ULK4: variants seen among roughly 807,000 people sequenced by gnomAD.
ULK4 encodes inactive serine/threonine-protein kinase ULK4.
A neutral mutation model predicts 160.6 loss-of-function variants in ULK4; 133 were observed. The ratio of observed to expected loss-of-function variants is 0.83; its 90% CI spans 0.72 to 0.96. The LOEUF (loss-of-function observed/expected upper bound fraction) is 0.96. Among genes scored for constraint, ULK4 ranks in the 40% least tolerant of loss-of-function variants. The probability of loss-of-function intolerance (pLI) is 0.00; values close to 1 mark genes in which losing one functional copy is unlikely to be tolerated. For synonymous variants in ULK4, 534 were observed against 539.8 expected, an observed-to-expected ratio of 0.99 and a Z score of 0.15; for missense variants, 1,580 against 1,499.5, an observed-to-expected ratio of 1.05 and a Z score of -0.89.
intron 12 of ULK4, among the ~76,000 whole-genome samples, chr3:41,902,967 A>G (rs991884184): frequency 5.9e-5 from 9 of 152,340 alleles, no homozygotes; most frequent in African/African-American, 1.9e-4. Context: ...TATATACATC[A>G]TACTTGCTTC....
chr3:41,291,996 AT>A (rs1389453628), intron 35 of ULK4, among the ~76,000 whole-genome samples: 4 of 149,012 alleles, frequency 2.7e-5, no homozygotes, highest in Non-Finnish European at 3.0e-5. Context: ...ATGCCCGGCT[AT>A]TTTTTTTTGT....
chr3:41,467,876 G>A (rs529962458), intron 32 of ULK4, among the ~76,000 whole-genome samples: 60 of 152,312 alleles, frequency 3.9e-4, no homozygotes, highest in African/African-American at 1.4e-3. Context: ...GGTTATAGCA[G>A]TGCATGCATT....
At chr3:41,802,384 A>G (rs1046031136) in intron 19 of ULK4, among the ~76,000 whole-genome samples, 1 of 152,088 alleles carries the variant, frequency 6.6e-6, no homozygotes, top group Non-Finnish European at 1.5e-5. Flanking sequence ...TGCAGTCTCA[A>G]TCTCCCAGCT....
At chr3:41,654,684 C>T (rs886515833) in intron 30 of ULK4, among the ~76,000 whole-genome samples, 5 of 152,268 alleles carry the variant, frequency 3.3e-5, no homozygotes, top group East Asian at 1.9e-4. Flanking sequence ...TTTATGCTTG[C>T]GTTATCCCGT....
At chr3:41,476,645 C>T (rs987924932) in intron 32 of ULK4, among the ~76,000 whole-genome samples, 3 of 152,040 alleles carry the variant, frequency 2.0e-5, no homozygotes, top group African/African-American at 7.2e-5. Context: ...TTCTCTCCCT[C>T]TCTCTCATCT....
intron 32 of ULK4, among the ~76,000 whole-genome samples, chr3:41,502,124 T>C (rs189248299): frequency 1.3e-5 from 2 of 152,220 alleles, no homozygotes; most frequent in African/African-American, 4.8e-5. Flanking sequence ...TGATTCTATA[T>C]CCTAGCTACT....
At chr3:41,549,493 T>TA (rs1382493287) in intron 32 of ULK4, among the ~76,000 whole-genome samples, 1 of 151,946 alleles carries the variant, frequency 6.6e-6, no homozygotes, top group African/African-American at 2.4e-5. Flanking sequence ...CCCAGTCAGA[T>TA]AAAAAATAAT....
intron 32 of ULK4, among the ~76,000 whole-genome samples, chr3:41,530,886 C>G (rs1293861495): frequency 2.0e-5 from 3 of 151,962 alleles, no homozygotes; most frequent in African/African-American, 7.2e-5. Context: ...GCCTCAGCCT[C>G]CCGAGGAGCT....
chr3:41,447,502 A>C (rs1265123322), intron 34 of ULK4, among the ~76,000 whole-genome samples: 1 of 152,168 alleles, frequency 6.6e-6, no homozygotes, highest in Non-Finnish European at 1.5e-5. Context: ...CTCAAGACAA[A>C]GGCATAAAAA....
At chr3:41,582,522 G>A (rs763294925) in intron 31 of ULK4, among the ~76,000 whole-genome samples, 11 of 152,112 alleles carry the variant, frequency 7.2e-5, no homozygotes, top group East Asian at 3.9e-4. Context: ...TCAGCCTCAT[G>A]GTCAGCCCCA....
At chr3:41,735,775 G>C (rs1002320954) in intron 22 of ULK4, among the ~76,000 whole-genome samples, 3 of 150,606 alleles carry the variant, frequency 2.0e-5, no homozygotes, top group Admixed American at 1.3e-4. Context: ...GTATACATAT[G>C]TCATGTTGGT....
intron 35 of ULK4, among the ~76,000 whole-genome samples, chr3:41,261,191 A>C (rs1432345339): frequency 7.2e-6 from 1 of 138,982 alleles, no homozygotes. Flanking sequence ...ATAAGTAAAA[A>C]GCCTTGGAGT....
chr3:41,694,367 T>C (rs949201446), intron 27 of ULK4, among the ~76,000 whole-genome samples: 3 of 152,132 alleles, frequency 2.0e-5, no homozygotes, highest in Non-Finnish European at 4.4e-5. Context: ...TCGTAGGGAC[T>C]GTTATGGAGG....
At chr3:41,308,856 T>A (rs1463594283) in intron 35 of ULK4, among the ~76,000 whole-genome samples, 2 of 152,134 alleles carry the variant, frequency 1.3e-5, no homozygotes, top group Non-Finnish European at 2.9e-5. Context: ...GGATAAGGGA[T>A]ACGCAACCTG....
At chr3:41,616,881 T>C (rs2032999350) in intron 30 of ULK4, among the ~76,000 whole-genome samples, 1 of 152,136 alleles carries the variant, frequency 6.6e-6, no homozygotes. Flanking sequence ...CTAAGAACCA[T>C]TGGCTTGAAA....
intron 18 of ULK4, among the ~76,000 whole-genome samples, chr3:41,822,696 AG>A (rs761248013): frequency 6.9e-5 from 10 of 144,342 alleles, no homozygotes; most frequent in Non-Finnish European, 1.4e-4. Flanking sequence ...TGGGATTACA[AG>A]CATAAGCCAC....
intron 17 of ULK4, among the ~76,000 whole-genome samples, chr3:41,872,721 C>A (rs1619558): frequency 6.6e-6 from 1 of 151,718 alleles, no homozygotes; most frequent in African/African-American, 2.4e-5. Flanking sequence ...GAGCCCAGGC[C>A]TGGTTTTTAT....
At chr3:41,517,360 A>G (rs1023420722) in intron 32 of ULK4, among the ~76,000 whole-genome samples, 3 of 152,184 alleles carry the variant, frequency 2.0e-5, no homozygotes, top group Non-Finnish European at 4.4e-5. Context: ...ATTAAGTCAG[A>G]GTTCTGCCCT....
chr3:41,312,034 C>A (rs749235372), intron 35 of ULK4, among the ~76,000 whole-genome samples: 14 of 147,502 alleles, frequency 9.5e-5, no homozygotes, highest in Non-Finnish European at 1.3e-4. Flanking sequence ...AGTGCAGTGG[C>A]ATGATTACAG....
Sources: allele counts gnomAD v4.1 joint callset (sites outside exome capture counted in the v4.1 genomes callset), GRCh38; gene constraint gnomAD v4.1.1; transcripts MANE v1.5; gene names NCBI Gene and HGNC (gene_info 2026-07-23, HGNC 2026-07-21).